RPH3A: variants seen among roughly 807,000 people sequenced by gnomAD.
RPH3A encodes the protein rabphilin 3A.
A neutral mutation model predicts 102.2 loss-of-function variants in RPH3A; 48 were observed. The observed-to-expected ratio is 0.47, with a 90% CI of 0.37 to 0.60. The LOEUF is 0.60. Among genes scored for constraint, RPH3A ranks in the 20% least tolerant of loss-of-function variants. RPH3A has a pLI of 0.00. For missense variants in RPH3A, 781 were observed against 910.1 expected (o/e 0.86, Z 1.83); for synonymous variants, 310 against 324.3 (o/e 0.96, Z 0.47).
intron 1 of RPH3A, among the ~76,000 whole-genome samples, chr12:112,672,285 T>C (rs2040138498): frequency 6.6e-6 from 1 of 152,188 alleles, no homozygotes; most frequent in African/African-American, 2.4e-5. Flanking sequence ...GGCCTTCAGC[T>C]GATTAGATGG....
rs569246038 is a variant in RPH3A at position 112,734,232 on chromosome 12, G to A, written c.-139-57911G>A. Reference sequence around the variant, plus strand: ...TAGATACACAAATGCTTACCATTGTGTTACAATTGCCTACAGTGTTCAGGA... The same window carrying A: ...TAGATACACAAATGCTTACCATTGTATTACAATTGCCTACAGTGTTCAGGA... On this transcript the variant is annotated intron_variant, in intron 1 of 21. Transcript: ENST00000543106. Among the ~76,000 whole-genome samples the A allele has an allele frequency of 7.2e-5, 11 of 152,308 alleles. No homozygotes were observed. The East Asian group carries it at 2.1e-3, about 29-fold the overall frequency.
chr12:112,858,221 C>T (rs2042442703), intron 5 of RPH3A, among the ~76,000 whole-genome samples: 1 of 119,058 alleles, frequency 8.4e-6, no homozygotes, highest in Admixed American at 1.1e-4. Flanking sequence ...GAGCTATGAT[C>T]AAGCCACTGC....
At chr12:112,712,329 G>A (rs2136035777) in intron 1 of RPH3A, among the ~76,000 whole-genome samples, 1 of 152,254 alleles carries the variant, frequency 6.6e-6, no homozygotes, top group Admixed American at 6.5e-5. Flanking sequence ...ATGTGTTATA[G>A]ATCTAGATTC....
At chr12:112,652,465 G>A (rs1207834470) in intron 1 of RPH3A, among the ~76,000 whole-genome samples, 2 of 152,176 alleles carry the variant, frequency 1.3e-5, no homozygotes, top group Non-Finnish European at 1.5e-5. Flanking sequence ...AAAAGACCCT[G>A]TTTCTCAAAA....
rs893101201 is a variant in RPH3A, at chr12:112,673,986, T to A, written c.-140+98667T>A. 2.0e-5 allele frequency among the ~76,000 whole-genome samples: 3 copies of A among 152,218 alleles called. No individual in the cohort carries two copies. In the South Asian group the frequency reaches 6.2e-4, roughly 32 times the overall value. ...GTTGTCCAGACTGGTCTTAAACTCC[T>A]GGTTTCAAGCGATCCTCCCACCTCA... On this transcript the variant is annotated intron_variant, in intron 1 of 21. Transcript: ENST00000543106.
chr12:112,770,709 A>G (rs2040921777), intron 1 of RPH3A, among the ~76,000 whole-genome samples: 1 of 152,122 alleles, frequency 6.6e-6, no homozygotes, highest in African/African-American at 2.4e-5. Context: ...ACCCTGCTAT[A>G]ACTGGGGTCC....
chr12:112,790,470 A>G (rs2041087334), upstream of RPH3A, among the ~76,000 whole-genome samples: 1 of 152,190 alleles, frequency 6.6e-6, no homozygotes. Flanking sequence ...ACCCTGGGCC[A>G]TCTGGATGGG....
chr12:112,589,292 C>G (rs2039459872), intron 1 of RPH3A, among the ~76,000 whole-genome samples: 1 of 152,136 alleles, frequency 6.6e-6, no homozygotes, highest in South Asian at 2.1e-4. Flanking sequence ...TGTGCTTTCT[C>G]TCCTCCTTAG....
At chr12:112,717,606 TTG>T (rs1457500330) in intron 1 of RPH3A, among the ~76,000 whole-genome samples, 1 of 152,180 alleles carries the variant, frequency 6.6e-6, no homozygotes, top group Non-Finnish European at 1.5e-5. Flanking sequence ...TAGTATTCCA[TTG>T]TGGTTTGTTT....
intron 19 of RPH3A, among the ~76,000 whole-genome samples, chr12:112,892,146 G>A (rs534609518): frequency 2.0e-5 from 3 of 152,224 alleles, no homozygotes; most frequent in Non-Finnish European, 4.4e-5. Context: ...TTCTGTGGAT[G>A]TGGATCTCCA....
chr12:112,701,364 GAGA>G (rs1364729494), intron 1 of RPH3A, among the ~76,000 whole-genome samples: 75 of 152,190 alleles, frequency 4.9e-4, no homozygotes, highest in Non-Finnish European at 7.3e-5. Context: ...ATTTCTCAGA[GAGA>G]AGATGTAATG....
At chr12:112,648,744 C>CAAAA (rs1197742131) in intron 1 of RPH3A, among the ~76,000 whole-genome samples, 10 of 59,064 alleles carry the variant, frequency 1.7e-4, no homozygotes, top group African/African-American at 4.8e-4. Context: ...GACACGGTCT[C>CAAAA]AAAAAAAAAA....
intron 15 of RPH3A, among the ~76,000 whole-genome samples, chr12:112,882,248 G>A (rs1338557242): frequency 6.6e-6 from 1 of 152,012 alleles, no homozygotes; most frequent in African/African-American, 2.4e-5. Context: ...CAAATTTTAG[G>A]ACTAAGCACT....
chr12:112,690,996 T>G (rs1484351068), intron 1 of RPH3A, among the ~76,000 whole-genome samples: 1 of 151,192 alleles, frequency 6.6e-6, no homozygotes, highest in African/African-American at 2.4e-5. Flanking sequence ...TATCCTTTGA[T>G]CCCCCCCGCC....
intron 19 of RPH3A, among the ~76,000 whole-genome samples, chr12:112,891,640 T>C (rs917390330): frequency 2.0e-5 from 3 of 152,084 alleles, no homozygotes; most frequent in African/African-American, 7.2e-5. Context: ...GATAGAGAAG[T>C]TGGAGGGAAG....
intron 1 of RPH3A, among the ~76,000 whole-genome samples, chr12:112,638,187 C>T (rs1223897534): frequency 2.0e-5 from 3 of 152,148 alleles, no homozygotes; most frequent in Non-Finnish European, 4.4e-5. Context: ...TCTCTCACCA[C>T]CTGATTTCTG....
At chr12:112,710,053 C>T (rs2040449559) in intron 1 of RPH3A, among the ~76,000 whole-genome samples, 1 of 152,124 alleles carries the variant, frequency 6.6e-6, no homozygotes, top group African/African-American at 2.4e-5. Flanking sequence ...CGGCTCACTG[C>T]AAGCTCCGCC....
intron 1 of RPH3A, among the ~76,000 whole-genome samples, chr12:112,758,512 C>A (rs2136065134): frequency 6.6e-6 from 1 of 152,280 alleles, no homozygotes; most frequent in East Asian, 1.9e-4. Flanking sequence ...AAAAGAAAAG[C>A]CCACTATTTA....
At chr12:112,630,666 G>A (rs2039797771) in intron 1 of RPH3A, among the ~76,000 whole-genome samples, 1 of 152,144 alleles carries the variant, frequency 6.6e-6, no homozygotes, top group African/African-American at 2.4e-5. Flanking sequence ...AGAGATTCTG[G>A]GCGGGGAACC....
Sources: gnomAD v4.1 joint callset for allele counts (sites outside exome capture counted in the v4.1 genomes callset) on GRCh38, gnomAD v4.1.1 for gene constraint, MANE v1.5 for transcripts, NCBI Gene and HGNC (gene_info 2026-07-23, HGNC 2026-07-21) for gene names.